The following SLC2A13 variants were observed in gnomAD, a reference collection of about 807,000 sequenced individuals.
The protein encoded by SLC2A13 is solute carrier family 2 member 13.
In SLC2A13, 32 loss-of-function variants were observed where a neutral mutation model predicts 64.4. The ratio of observed to expected loss-of-function variants is 0.50; its 90% confidence interval spans 0.37 to 0.67. The LOEUF (loss-of-function observed/expected upper bound fraction) is 0.67, where lower values mean the gene tolerates loss of function less well. SLC2A13 is among the 30% of genes least tolerant of loss of function. The pLI, the probability that SLC2A13 is intolerant of heterozygous loss-of-function variation, is 0.00. For missense variants in SLC2A13, 743 were observed against 829.2 expected (o/e 0.90, Z 1.28); for synonymous variants, 338 against 327.1 (o/e 1.03, Z -0.36).
chr12:39,982,759 A>G (rs1242400531), intron 3 of SLC2A13, among the ~76,000 whole-genome samples: 2 of 149,172 alleles, frequency 1.3e-5, no homozygotes, highest in Non-Finnish European at 3.0e-5. Flanking sequence ...TGCCCAAGGT[A>G]ATTTACAGAT....
chr12:40,011,828 G>C (rs1472344604), intron 3 of SLC2A13, among the ~76,000 whole-genome samples: 1 of 152,154 alleles, frequency 6.6e-6, no homozygotes, highest in African/African-American at 2.4e-5. Flanking sequence ...ATGAAAATGT[G>C]AGTCCCGTGC....
intron 6 of SLC2A13, 79 bp downstream of exon 6, chr12:39,864,683 T>C (rs1156389332): frequency 1.3e-6 from 2 of 1,566,730 alleles, no homozygotes; most frequent in Non-Finnish European, 1.7e-6. Flanking sequence ...TACTCATCTC[T>C]ACAACTTTAA....
intron 1 of SLC2A13, among the ~76,000 whole-genome samples, chr12:40,065,923 C>T (rs1184122402): frequency 6.6e-6 from 1 of 152,258 alleles, no homozygotes; most frequent in South Asian, 2.1e-4. Context: ...ACAAAACATC[C>T]AAGGTCACAC....
intron 1 of SLC2A13, among the ~76,000 whole-genome samples, chr12:40,081,407 T>A (rs1938398069): frequency 6.6e-6 from 1 of 152,350 alleles, no homozygotes; most frequent in African/African-American, 2.4e-5. Flanking sequence ...ATTTTTTTTA[T>A]TTTGTCCAAC....
intron 6 of SLC2A13, among the ~76,000 whole-genome samples, chr12:39,859,563 C>A (rs1943703836): frequency 6.6e-6 from 1 of 152,132 alleles, no homozygotes; most frequent in African/African-American, 2.4e-5. Flanking sequence ...CCTCTTGTCA[C>A]CCAGGCTGGA....
At chr12:39,866,589 C>T (rs1243937992) in intron 5 of SLC2A13, among the ~76,000 whole-genome samples, 1 of 152,104 alleles carries the variant, frequency 6.6e-6, no homozygotes, top group African/African-American at 2.4e-5. Flanking sequence ...ACGCCATTCT[C>T]CTGCCTCAGC....
intron 4 of SLC2A13, among the ~76,000 whole-genome samples, chr12:39,882,896 C>T (rs149203889): frequency 1.3e-5 from 2 of 152,112 alleles, no homozygotes; most frequent in Non-Finnish European, 2.9e-5. Context: ...CATCATATTT[C>T]TATTTCTATC....
At chr12:39,977,662 A>G (rs942439956) in intron 3 of SLC2A13, among the ~76,000 whole-genome samples, 2 of 152,252 alleles carry the variant, frequency 1.3e-5, no homozygotes, top group African/African-American at 4.8e-5. Flanking sequence ...ATATCTTCAG[A>G]GCCAGTGACA....
chr12:40,100,410 A>AATGGGT (rs1368081107), intron 1 of SLC2A13, among the ~76,000 whole-genome samples: 2 of 152,318 alleles, frequency 1.3e-5, no homozygotes, highest in Non-Finnish European at 2.9e-5. Context: ...AGAAAGGGCT[A>AATGGGT]ATGGGTATGC....
chr12:39,771,499 G>C (rs1245354082), intron 7 of SLC2A13, among the ~76,000 whole-genome samples: 1 of 152,044 alleles, frequency 6.6e-6, no homozygotes, highest in Non-Finnish European at 1.5e-5. Flanking sequence ...ACAAATTACT[G>C]AATTCTGCTA....
intron 6 of SLC2A13, among the ~76,000 whole-genome samples, chr12:39,857,775 T>C (rs1309688585): frequency 6.6e-6 from 1 of 152,240 alleles, no homozygotes; most frequent in East Asian, 1.9e-4. Flanking sequence ...ATTCTCTTGC[T>C]TGCTCGTTAT....
intron 3 of SLC2A13, among the ~76,000 whole-genome samples, chr12:39,996,808 C>A (rs1232906686): frequency 6.6e-6 from 1 of 152,192 alleles, no homozygotes; most frequent in African/African-American, 2.4e-5. Context: ...AATTAAAATA[C>A]TTAGGAATAT....
At chr12:39,823,807 G>A (rs1942590680) in intron 7 of SLC2A13, among the ~76,000 whole-genome samples, 1 of 152,100 alleles carries the variant, frequency 6.6e-6, no homozygotes, top group African/African-American at 2.4e-5. Flanking sequence ...CAATATTTTT[G>A]CAGTGATATA....
intron 1 of SLC2A13, among the ~76,000 whole-genome samples, chr12:40,103,347 T>C (rs1288672757): frequency 6.6e-6 from 1 of 152,216 alleles, no homozygotes; most frequent in Non-Finnish European, 1.5e-5. Flanking sequence ...AGCTTCTGGC[T>C]TCCCTCTGTT....
rs546555141 is a variant in SLC2A13, at chr12:39,877,711, T to C, written c.1035-5750A>G. On this transcript the variant is annotated intron_variant, in intron 4 of 9. Transcript: ENST00000280871. ...ATGTGAATTCCAATGTTTACAGAAA[T>C]AATATCAGCCAACCATTTAAGTGAT... Among the ~76,000 whole-genome samples the C allele has an allele frequency of 1.0e-3, 155 of 152,296 alleles. 1 individual carries two copies. Among genetic ancestry groups the C allele is most frequent in the African/African-American group, 3.4e-3 (143 of 41,554 alleles).
chr12:39,984,572 G>T (rs1946993889), intron 3 of SLC2A13, among the ~76,000 whole-genome samples: 1 of 152,074 alleles, frequency 6.6e-6, no homozygotes, highest in South Asian at 2.1e-4. Flanking sequence ...AATTAATTAT[G>T]AAGGTTTAAT....
At chr12:39,974,213 C>A (rs949223320) in intron 3 of SLC2A13, among the ~76,000 whole-genome samples, 1 of 152,162 alleles carries the variant, frequency 6.6e-6, no homozygotes, top group African/African-American at 2.4e-5. Context: ...TATGCAGATC[C>A]CAGAACTGAT....
At chr12:39,830,592 G>A in intron 6 of SLC2A13, 2 of 534,882 alleles carry the variant, frequency 3.7e-6, no homozygotes, top group Non-Finnish European at 4.8e-6. Flanking sequence ...AGCCCTGACT[G>A]GTTCCAAGTT....
chr12:39,865,593 T>C (rs73104960), intron 5 of SLC2A13, among the ~76,000 whole-genome samples: 6,603 of 152,342 alleles, frequency 0.043, 223 homozygotes, highest in African/African-American at 0.097. Flanking sequence ...TAAGACATTT[T>C]TCAAGTTTCT....
Sources: gnomAD v4.1 joint callset for allele counts (sites outside exome capture counted in the v4.1 genomes callset) on GRCh38, gnomAD v4.1.1 for gene constraint, MANE v1.5 for transcripts, NCBI Gene and HGNC (gene_info 2026-07-23, HGNC 2026-07-21) for gene names.